Variants in PPP4R2 observed in about 807,000 individuals in gnomAD.
PPP4R2 encodes the protein serine/threonine-protein phosphatase 4 regulatory subunit 2.
In PPP4R2, 13 loss-of-function variants were observed where a neutral mutation model predicts 47.2. That is an observed-to-expected ratio of 0.28 (90% CI 0.18 to 0.44). The LOEUF is 0.44. Ranked by LOEUF, PPP4R2 falls within the 20% of genes least tolerant of loss-of-function variation. The pLI is 1.00. For synonymous variants in PPP4R2, 151 were observed against 163.3 expected (o/e 0.92, Z 0.57); for missense variants, 421 against 491.2 (o/e 0.86, Z 1.35).
At position 73,061,069 on chromosome 3, in the gene PPP4R2, A is replaced by G; in HGVS notation, c.419+9A>G. On this transcript the variant is annotated intron_variant, in intron 5 of 8. Coordinates refer to ENST00000356692, the MANE Select transcript of PPP4R2 (RefSeq NM_174907.4). ...GTTTATCCTTCTTCAGAGTAAGTAT[A>G]TTTTTTCTATTTCTAGTATATTATT... is the stretch of plus-strand genomic sequence containing the variant. The G allele has an allele frequency of 7.1e-7, 1 of 1,405,972 alleles. No homozygotes were observed. Among genetic ancestry groups the G allele is most frequent in the Non-Finnish European group, 9.8e-7 (1 of 1,025,026 alleles). The allele number at this position is 1,405,972 out of a possible 1,614,324, so 87.1% of individuals were successfully genotyped here. A position where few individuals can be genotyped will look rare whatever the true frequency, so the allele number is the denominator to read the frequency against.
chr3:73,048,616 T>C (rs890404340), intron 3 of PPP4R2, among the ~76,000 whole-genome samples: 7 of 152,350 alleles, frequency 4.6e-5, no homozygotes, highest in African/African-American at 1.7e-4. Context: ...AGTTGAATTA[T>C]TCGATATTTA....
chr3:73,040,002 C>T (rs745814084), intron 2 of PPP4R2, among the ~76,000 whole-genome samples: 3 of 152,054 alleles, frequency 2.0e-5, no homozygotes, highest in South Asian at 2.1e-4. Context: ...TGTAGTGAGC[C>T]GAGATCGCCA....
intron 2 of PPP4R2, among the ~76,000 whole-genome samples, chr3:72,998,706 A>G (rs959183001): frequency 2.0e-5 from 3 of 152,196 alleles, no homozygotes; most frequent in Non-Finnish European, 4.4e-5. Flanking sequence ...GACTTGTTAC[A>G]TATGCTCAGC....
intron 2 of PPP4R2, chr3:73,015,072 G>A: frequency 2.1e-6 from 1 of 477,978 alleles, no homozygotes. Flanking sequence ...AAGCCATTTA[G>A]GATATAGGAA....
chr3:73,018,278 C>G (rs998417517), intron 2 of PPP4R2, among the ~76,000 whole-genome samples: 29 of 152,042 alleles, frequency 1.9e-4, no homozygotes, highest in African/African-American at 7.0e-4. Context: ...ACACAATGGA[C>G]TGCTTTTTTT....
chr3:73,028,720 T>C (rs1288401512), intron 2 of PPP4R2, among the ~76,000 whole-genome samples: 1 of 151,968 alleles, frequency 6.6e-6, no homozygotes, highest in Non-Finnish European at 1.5e-5. Flanking sequence ...TTACAGGCAC[T>C]TTTGTGAGCC....
intron 2 of PPP4R2, among the ~76,000 whole-genome samples, chr3:73,017,665 T>C (rs1701869507): frequency 6.6e-6 from 1 of 152,092 alleles, no homozygotes; most frequent in African/African-American, 2.4e-5. Flanking sequence ...TTTTGGAAAC[T>C]CTTGACAAAG....
At chr3:73,053,749 A>C (rs1413468278) in intron 3 of PPP4R2, among the ~76,000 whole-genome samples, 1 of 151,856 alleles carries the variant, frequency 6.6e-6, no homozygotes, top group South Asian at 2.1e-4. Context: ...CTCTACTAAA[A>C]ATACAAAAAA....
intron 4 of PPP4R2, among the ~76,000 whole-genome samples, chr3:73,060,327 C>A (rs1223964713): frequency 1.3e-5 from 2 of 152,158 alleles, no homozygotes; most frequent in Non-Finnish European, 2.9e-5. Flanking sequence ...GTAATAATTA[C>A]ATTTTGGAGA....
chr3:73,036,315 A>C (rs1259491329), intron 2 of PPP4R2, among the ~76,000 whole-genome samples: 1 of 152,186 alleles, frequency 6.6e-6, no homozygotes, highest in Non-Finnish European at 1.5e-5. Flanking sequence ...AAAAGGAATA[A>C]GTTTTAGTAT....
intron 2 of PPP4R2, among the ~76,000 whole-genome samples, chr3:73,038,749 T>G (rs945226323): frequency 6.6e-6 from 1 of 152,074 alleles, no homozygotes; most frequent in African/African-American, 2.4e-5. Flanking sequence ...TAGGGAGAGG[T>G]GGATGAATAG....
chr3:73,032,200 T>C (rs988969433), intron 2 of PPP4R2, among the ~76,000 whole-genome samples: 1 of 152,238 alleles, frequency 6.6e-6, no homozygotes, highest in Non-Finnish European at 1.5e-5. Context: ...TACTTTCTTT[T>C]ATTTCTTTTT....
At chr3:73,018,452 T>TGTTATGTTATGTTATG in intron 2 of PPP4R2, among the ~76,000 whole-genome samples, 1,423 of 96,550 alleles carry the variant, frequency 0.015, 93 homozygotes, top group East Asian at 0.053. Context: ...TGTTATGTTA[T>TGTTATGTTATGTTATG]TTATGTTATG....
intron 7 of PPP4R2, among the ~76,000 whole-genome samples, chr3:73,064,373 G>A (rs1702940352): frequency 6.6e-6 from 1 of 152,152 alleles, no homozygotes; most frequent in Non-Finnish European, 1.5e-5. Context: ...GGGTCTAAAA[G>A]TAACGTAGAT....
intron 3 of PPP4R2, among the ~76,000 whole-genome samples, chr3:73,051,621 A>AGTTT (rs528037713): frequency 3.3e-5 from 5 of 151,986 alleles, no homozygotes; most frequent in African/African-American, 1.2e-4. Flanking sequence ...CCAAAGTACA[A>AGTTT]GTTTGTTTGT....
At chr3:73,056,283 A>G (rs987549053) in intron 3 of PPP4R2, among the ~76,000 whole-genome samples, 4 of 142,046 alleles carry the variant, frequency 2.8e-5, no homozygotes, top group African/African-American at 9.8e-5. Context: ...TTCTGTCTCC[A>G]TGGCACTTTT....
intron 2 of PPP4R2, among the ~76,000 whole-genome samples, chr3:73,032,989 A>G (rs1349341041): frequency 3.3e-5 from 5 of 152,144 alleles, no homozygotes. Flanking sequence ...CCTGAATCCT[A>G]CCAAGTTATG....
At chr3:73,017,567 A>G (rs553318662) in intron 2 of PPP4R2, among the ~76,000 whole-genome samples, 7 of 152,230 alleles carry the variant, frequency 4.6e-5, no homozygotes, top group Admixed American at 4.6e-4. Context: ...GTGAGAGAGA[A>G]AGAGATTGGT....
chr3:73,028,965 T>A (rs1702119795), intron 2 of PPP4R2, among the ~76,000 whole-genome samples: 1 of 152,186 alleles, frequency 6.6e-6, no homozygotes. Context: ...TGTTGTTTTT[T>A]TGAGACAGTC....
Sources: gnomAD v4.1 joint callset for allele counts (sites outside exome capture counted in the v4.1 genomes callset) on GRCh38, gnomAD v4.1.1 for gene constraint, MANE v1.5 for transcripts, NCBI Gene and HGNC (gene_info 2026-07-23, HGNC 2026-07-21) for gene names.